MGAT4C: variants seen among roughly 807,000 people sequenced by gnomAD.
The protein encoded by MGAT4C is alpha-1,3-mannosyl-glycoprotein 4-beta-N-acetylglucosaminyltransferase C.
A neutral mutation model predicts 40.1 loss-of-function variants in MGAT4C; 19 were observed. That is an observed-to-expected ratio of 0.47 (90% CI 0.33 to 0.70). The LOEUF (loss-of-function observed/expected upper bound fraction) is 0.70. Among genes scored for constraint, MGAT4C ranks in the 30% least tolerant of loss-of-function variants. The pLI is 0.02. For missense variants in MGAT4C, 491 were observed against 563.2 expected, an observed-to-expected ratio of 0.87 and a Z score of 1.30; for synonymous variants, 181 against 187.1, an observed-to-expected ratio of 0.97 and a Z score of 0.27.
chr12:86,133,731 A>C (rs1175339515), intron 1 of MGAT4C, among the ~76,000 whole-genome samples: 1 of 152,096 alleles, frequency 6.6e-6, no homozygotes, highest in Admixed American at 6.5e-5. Flanking sequence ...TGCTTAATAA[A>C]TCTCCTTTAA....
intron 2 of MGAT4C, among the ~76,000 whole-genome samples, chr12:86,623,004 A>T (rs1962686798): frequency 6.6e-6 from 1 of 152,160 alleles, no homozygotes; most frequent in African/African-American, 2.4e-5. Context: ...ACTACTTTTG[A>T]TAGGATTAAC....
At chr12:86,328,085 G>A (rs566513133) in intron 4 of MGAT4C, among the ~76,000 whole-genome samples, 1 of 152,244 alleles carries the variant, frequency 6.6e-6, no homozygotes, top group African/African-American at 2.4e-5. Flanking sequence ...GTAGATGTAA[G>A]TGTTCAATGT....
intron 2 of MGAT4C, among the ~76,000 whole-genome samples, chr12:86,531,469 A>G (rs967423650): frequency 1.3e-5 from 2 of 152,066 alleles, no homozygotes; most frequent in African/African-American, 4.8e-5. Context: ...CACTAAAGCC[A>G]TATTTGGTAA....
At chr12:86,129,915 A>G (rs927968135) in intron 1 of MGAT4C, among the ~76,000 whole-genome samples, 1 of 152,164 alleles carries the variant, frequency 6.6e-6, no homozygotes, top group African/African-American at 2.4e-5. Context: ...GTCTACCCCT[A>G]CAACATAAAG....
chr12:86,257,039 A>G (rs1952539900), upstream of MGAT4C, among the ~76,000 whole-genome samples: 1 of 152,232 alleles, frequency 6.6e-6, no homozygotes, highest in Non-Finnish European at 1.5e-5. Context: ...TATTAAAAGC[A>G]CATCACTAAT....
chr12:86,652,194 T>C (rs1565905379), intron 2 of MGAT4C, among the ~76,000 whole-genome samples: 1 of 151,866 alleles, frequency 6.6e-6, no homozygotes, highest in Non-Finnish European at 1.5e-5. Flanking sequence ...ACAATGGATG[T>C]AGGAGAAATA....
chr12:86,432,413 G>T (rs1957058901), intron 3 of MGAT4C, among the ~76,000 whole-genome samples: 1 of 151,950 alleles, frequency 6.6e-6, no homozygotes, highest in Admixed American at 6.6e-5. Flanking sequence ...ATAAAGAGGT[G>T]TTTAATGGGA....
chr12:86,597,338 G>A (rs564649580), intron 2 of MGAT4C, among the ~76,000 whole-genome samples: 2 of 152,214 alleles, frequency 1.3e-5, no homozygotes, highest in African/African-American at 4.8e-5. Context: ...ATATGATAAA[G>A]CCCAGGGGGA....
intron 1 of MGAT4C, among the ~76,000 whole-genome samples, chr12:86,762,531 CA>C (rs2136154018): frequency 6.6e-6 from 1 of 152,320 alleles, no homozygotes; most frequent in Non-Finnish European, 1.5e-5. Flanking sequence ...CATAGCCACT[CA>C]AACTTTCAGA....
At chr12:86,595,881 G>A (rs1225560412) in intron 2 of MGAT4C, among the ~76,000 whole-genome samples, 7 of 152,016 alleles carry the variant, frequency 4.6e-5, no homozygotes, top group Admixed American at 3.3e-4. Flanking sequence ...TACAGCTTCC[G>A]GTCAGACCAT....
At chr12:86,341,472 A>G (rs1169501194) in intron 3 of MGAT4C, among the ~76,000 whole-genome samples, 9 of 152,098 alleles carry the variant, frequency 5.9e-5, no homozygotes, top group Non-Finnish European at 1.3e-4. Flanking sequence ...CCTGTACATA[A>G]CCCCAGGCAA....
intron 1 of MGAT4C, among the ~76,000 whole-genome samples, chr12:86,251,743 G>C (rs2452807): frequency 0.64 from 97,611 of 151,792 alleles, 32,306 homozygotes; most frequent in South Asian, 0.77. Context: ...AATGTTAGGA[G>C]ATACCCTTGA....
intron 2 of MGAT4C, among the ~76,000 whole-genome samples, chr12:85,999,583 G>GTGTATATATATATATATATA (rs1226916126): frequency 1.6e-5 from 2 of 122,960 alleles, no homozygotes; most frequent in Admixed American, 1.6e-4. Context: ...GTGTGTGTGT[G>GTGTATATATATATATATATA]TATATATATA....
At chr12:86,732,871 CAT>C (rs1167412026) in intron 1 of MGAT4C, among the ~76,000 whole-genome samples, 1 of 151,642 alleles carries the variant, frequency 6.6e-6, no homozygotes, top group African/African-American at 2.4e-5. Flanking sequence ...ACCATTCAGC[CAT>C]ACTGCAGAAA....
intron 2 of MGAT4C, among the ~76,000 whole-genome samples, chr12:86,540,598 T>G (rs750812211): frequency 4.5e-4 from 68 of 152,082 alleles, no homozygotes; most frequent in Non-Finnish European, 7.8e-4. Flanking sequence ...TAGCTGGGCG[T>G]GGTGGCACGA....
chr12:86,333,615 A>G (rs919549721), intron 4 of MGAT4C, among the ~76,000 whole-genome samples: 2 of 152,176 alleles, frequency 1.3e-5, no homozygotes, highest in African/African-American at 4.8e-5. Flanking sequence ...TTCATCATTA[A>G]CTGATAGCTT....
chr12:86,737,506 T>C lies in MGAT4C; in HGVS notation c.-261-10265A>G, dbSNP rs536386051. ...CAAGATTCAATCTTTGAACTGTATC[T>C]CTATATTGATTCCCCTAAGTGATTT... On this transcript the variant is annotated intron_variant, in intron 1 of 7. Coordinates refer to the MGAT4C transcript ENST00000548651. Among the ~76,000 whole-genome samples the C allele has an allele frequency of 2.6e-5, 4 of 151,520 alleles. No homozygotes were observed. In the South Asian group the frequency reaches 6.2e-4, roughly 24 times the overall value.
chr12:86,241,036 G>A (rs952112302), intron 1 of MGAT4C, among the ~76,000 whole-genome samples: 16 of 152,042 alleles, frequency 1.1e-4, no homozygotes, highest in South Asian at 6.2e-4. Flanking sequence ...TTTGTCTGAC[G>A]TTCATGATTA....
At chr12:86,836,121 C>T (rs183580975) in intron 1 of MGAT4C, among the ~76,000 whole-genome samples, 145 of 152,058 alleles carry the variant, frequency 9.5e-4, no homozygotes, top group Middle Eastern at 6.8e-3. Context: ...ACTAGCTTAA[C>T]GGATTTAAAC....
Sources: allele counts gnomAD v4.1 joint callset (sites outside exome capture counted in the v4.1 genomes callset), GRCh38; gene constraint gnomAD v4.1.1; transcripts MANE v1.5; gene names NCBI Gene and HGNC (gene_info 2026-07-23, HGNC 2026-07-21).